PACRG: variants seen among roughly 807,000 people sequenced by gnomAD.
The protein encoded by PACRG is parkin coregulated, also known as parkin coregulated gene protein.
A neutral mutation model predicts 29.7 loss-of-function variants in PACRG; 29 were observed. The ratio of observed to expected loss-of-function variants is 0.98; its 90% CI spans 0.73 to 1.33. PACRG has a LOEUF of 1.33. Ranked by LOEUF, PACRG falls within the 40% of genes most tolerant of loss-of-function variation. The pLI, the probability that PACRG is intolerant of heterozygous loss-of-function variation, is 0.00. For synonymous variants in PACRG, 116 were observed against 118.7 expected, an observed-to-expected ratio of 0.98 and a Z score of 0.15; for missense variants, 279 against 316.2, an observed-to-expected ratio of 0.88 and a Z score of 0.89.
At chr6:162,943,368 C>G (rs1798767486) in intron 2 of PACRG, among the ~76,000 whole-genome samples, 1 of 152,184 alleles carries the variant, frequency 6.6e-6, no homozygotes. Flanking sequence ...TGGCAGCACT[C>G]TCACCACCAG....
intron 3 of PACRG, among the ~76,000 whole-genome samples, chr6:163,066,190 G>A (rs1233653237): frequency 6.6e-6 from 1 of 152,160 alleles, no homozygotes; most frequent in African/African-American, 2.4e-5. Context: ...GTCTGGACAG[G>A]GGAAAAAGCA....
At chr6:163,255,808 G>A (rs1783083611) in intron 4 of PACRG, among the ~76,000 whole-genome samples, 1 of 152,026 alleles carries the variant, frequency 6.6e-6, no homozygotes, top group African/African-American at 2.4e-5. Flanking sequence ...GCTAATTTTT[G>A]TATTTTTAGT....
chr6:163,087,288 C>A (rs891610719), intron 3 of PACRG, among the ~76,000 whole-genome samples: 5 of 148,990 alleles, frequency 3.4e-5, no homozygotes, highest in African/African-American at 1.2e-4. Flanking sequence ...GAGACCAGGA[C>A]CAGAGGAGAG....
At chr6:163,061,998 T>C in intron 2 of PACRG, 152 bp from the exon 3 acceptor site, 2 of 683,268 alleles carry the variant, frequency 2.9e-6, no homozygotes, top group Non-Finnish European at 4.9e-6. Context: ...CATGATGACA[T>C]ACTTCAGGTC....
intron 2 of PACRG, among the ~76,000 whole-genome samples, chr6:162,825,589 T>C (rs944946742): frequency 1.3e-5 from 2 of 152,242 alleles, no homozygotes; most frequent in South Asian, 2.1e-4. Context: ...CCTACTCTTA[T>C]ATTTTTCTCA....
At chr6:163,021,555 C>T (rs201356793) in intron 2 of PACRG, among the ~76,000 whole-genome samples, 2 of 152,164 alleles carry the variant, frequency 1.3e-5, no homozygotes, top group Admixed American at 6.5e-5. Flanking sequence ...TGGCTCCCAC[C>T]GCAACCTGAT....
chr6:162,825,398 T>A (rs1788190954), intron 2 of PACRG, among the ~76,000 whole-genome samples: 1 of 152,204 alleles, frequency 6.6e-6, no homozygotes, highest in Non-Finnish European at 1.5e-5. Context: ...TCTATCTTTT[T>A]AAATCACCGT....
At chr6:163,089,449 A>G (rs1160595844) in intron 4 of PACRG, 41 bp downstream of exon 4, 3 of 1,601,166 alleles carry the variant, frequency 1.9e-6, no homozygotes, top group East Asian at 2.2e-5. Flanking sequence ...TAAGCCAAAG[A>G]AAAAGGGAGT....
intron 2 of PACRG, among the ~76,000 whole-genome samples, chr6:163,011,942 C>A (rs146255164): frequency 6.6e-6 from 1 of 152,270 alleles, no homozygotes; most frequent in Non-Finnish European, 1.5e-5. Flanking sequence ...TCTTCAGGGG[C>A]AATGGCAGGC....
intron 4 of PACRG, among the ~76,000 whole-genome samples, chr6:163,132,307 C>CT (rs1816773290): frequency 6.6e-6 from 1 of 152,066 alleles, no homozygotes; most frequent in Admixed American, 6.6e-5. Flanking sequence ...AATCAATCAC[C>CT]TTTTTAAGAA....
chr6:162,841,262 A>C (rs1484910650), intron 2 of PACRG, among the ~76,000 whole-genome samples: 54 of 142,822 alleles, frequency 3.8e-4, no homozygotes, highest in Middle Eastern at 3.6e-3. Flanking sequence ...GATTATTGCC[A>C]CAATTTCAGC....
Position 162,978,143 on chromosome 6 carries a change from C to CA in PACRG, c.292-83993dup, listed in dbSNP as rs35161525. On this transcript the variant is annotated intron_variant, in intron 2 of 4. Transcript: ENST00000366888. ...TGGGTGACAGAGTGAGACTCCATCT[C>CA]AAAAAAAAAAAAAATGTTTATAACA... 7.1e-3 allele frequency among the ~76,000 whole-genome samples: 1,018 copies of CA among 144,350 alleles called. 10 individuals are homozygous for CA. The highest frequency in any genetic ancestry group is 0.023 in the African/African-American group (917 of 39,378). 94.7% of individuals were successfully genotyped at this position (144,350 alleles called of 152,430 possible). A position where few individuals can be genotyped will look rare whatever the true frequency, so the allele number is the denominator to read the frequency against.
At chr6:163,069,557 C>T (rs992359297) in intron 3 of PACRG, among the ~76,000 whole-genome samples, 3 of 151,714 alleles carry the variant, frequency 2.0e-5, no homozygotes, top group Non-Finnish European at 4.4e-5. Context: ...TTGATCATGC[C>T]GAAGGAAGAA....
At chr6:163,210,412 G>A (rs982850134) in intron 4 of PACRG, among the ~76,000 whole-genome samples, 1 of 152,096 alleles carries the variant, frequency 6.6e-6, no homozygotes, top group African/African-American at 2.4e-5. Flanking sequence ...AAATTCACTG[G>A]AGGGCCTTCA....
At chr6:162,928,161 G>A (rs1797589851) in intron 2 of PACRG, among the ~76,000 whole-genome samples, 1 of 151,842 alleles carries the variant, frequency 6.6e-6, no homozygotes, top group Non-Finnish European at 1.5e-5. Flanking sequence ...TTTTTTGAGG[G>A]GAGACTTTTT....
chr6:163,132,131 A>G (rs764120678), intron 4 of PACRG, among the ~76,000 whole-genome samples: 2 of 152,236 alleles, frequency 1.3e-5, no homozygotes, highest in Non-Finnish European at 2.9e-5. Flanking sequence ...GAAGTTAAAT[A>G]TCTGTGGATC....
intron 2 of PACRG, among the ~76,000 whole-genome samples, chr6:162,830,497 G>T (rs1488823074): frequency 6.6e-6 from 1 of 152,200 alleles, no homozygotes; most frequent in Non-Finnish European, 1.5e-5. Flanking sequence ...ATATCAAACA[G>T]CCATCCTTGG....
chr6:163,222,645 A>G (rs559544476), intron 4 of PACRG, among the ~76,000 whole-genome samples: 1 of 152,354 alleles, frequency 6.6e-6, no homozygotes, highest in African/African-American at 2.4e-5. Flanking sequence ...TTCACAAATA[A>G]CAAGGATGGA....
At chr6:163,094,573 T>C (rs1814402165) in intron 4 of PACRG, among the ~76,000 whole-genome samples, 1 of 152,190 alleles carries the variant, frequency 6.6e-6, no homozygotes, top group Admixed American at 6.5e-5. Context: ...ACCAAACTAA[T>C]CAACCATTAC....
Sources: allele counts gnomAD v4.1 joint callset (sites outside exome capture counted in the v4.1 genomes callset), GRCh38; gene constraint gnomAD v4.1.1; transcripts MANE v1.5; gene names NCBI Gene and HGNC (gene_info 2026-07-23, HGNC 2026-07-21).